The following CCDC192 variants were observed in gnomAD, a reference collection of about 807,000 sequenced individuals.
The protein encoded by CCDC192 is coiled-coil domain-containing protein 192.
chr5:127,702,966 G>C (rs891910232), upstream of CCDC192, among the ~76,000 whole-genome samples: 1 of 152,206 alleles, frequency 6.6e-6, no homozygotes, highest in African/African-American at 2.4e-5. Flanking sequence ...AATGTGGCCG[G>C]GTGGGGTCTT....
intron 3 of CCDC192, among the ~76,000 whole-genome samples, chr5:127,779,713 C>T (rs1277373238): frequency 6.6e-6 from 1 of 152,032 alleles, no homozygotes; most frequent in African/African-American, 2.4e-5. Flanking sequence ...TCTCAATCTC[C>T]TTTGTTCTTT....
intron 5 of CCDC192, among the ~76,000 whole-genome samples, chr5:127,830,010 A>G (rs937521122): frequency 6.6e-6 from 1 of 152,208 alleles, no homozygotes; most frequent in African/African-American, 2.4e-5. Context: ...CATATTTAGT[A>G]CCTACTTTAT....
chr5:127,772,766 C>T, intron 3 of CCDC192, among the ~76,000 whole-genome samples: 1 of 152,176 alleles, frequency 6.6e-6, no homozygotes, highest in East Asian at 1.9e-4. Context: ...ATTCATGTCT[C>T]AGGGCTGGAC....
rs569439392 is a variant in CCDC192 at position 127,893,087 on chromosome 5, C to T, written c.535+17426C>T. On this transcript the variant is annotated intron_variant, in intron 6 of 6. Coordinates refer to ENST00000514853, the MANE Select transcript of CCDC192 (RefSeq NM_001317938.2). ...GCAGAAAGCCCTAAAATATCAGTAT[C>T]GGGTGTTAGAAGTCAAGCAGACCTT... Among the ~76,000 whole-genome samples the T allele has an allele frequency of 4.6e-5, 7 of 152,232 alleles. No homozygotes were observed. In the East Asian group the frequency reaches 7.7e-4, roughly 17 times the overall value.
intron 5 of CCDC192, among the ~76,000 whole-genome samples, chr5:127,798,540 A>G (rs1252522159): frequency 6.6e-6 from 1 of 152,068 alleles, no homozygotes. Flanking sequence ...CTTAAACTTT[A>G]CTGTATGTAA....
chr5:127,887,328 C>CAA (rs10658827), intron 6 of CCDC192, among the ~76,000 whole-genome samples: 2,877 of 87,528 alleles, frequency 0.033, 186 homozygotes, highest in Middle Eastern at 0.12. Flanking sequence ...GACTCTGTCT[C>CAA]AAAAAAAAAA....
intron 3 of CCDC192, among the ~76,000 whole-genome samples, chr5:127,796,445 A>G (rs1757171649): frequency 6.6e-6 from 1 of 152,204 alleles, no homozygotes; most frequent in Admixed American, 6.5e-5. Flanking sequence ...TGTCAGAATG[A>G]AAGGAGAAGC....
intron 6 of CCDC192, among the ~76,000 whole-genome samples, chr5:127,921,010 C>A (rs1430806580): frequency 6.6e-6 from 1 of 151,480 alleles, no homozygotes; most frequent in Non-Finnish European, 1.5e-5. Context: ...ACACTCCAGC[C>A]TGGGCATCAG....
At chr5:127,887,143 CAG>C (rs1278111495) in intron 6 of CCDC192, among the ~76,000 whole-genome samples, 1 of 151,924 alleles carries the variant, frequency 6.6e-6, no homozygotes, top group African/African-American at 2.4e-5. Flanking sequence ...GCCTGGCCAA[CAG>C]GGGGAAACCC....
intron 5 of CCDC192, among the ~76,000 whole-genome samples, chr5:127,820,433 G>C (rs1749233977): frequency 6.6e-6 from 1 of 152,034 alleles, no homozygotes; most frequent in Non-Finnish European, 1.5e-5. Flanking sequence ...AATACAAAAT[G>C]AACTGGGCAT....
intron 6 of CCDC192, among the ~76,000 whole-genome samples, chr5:127,877,276 G>A (rs1199179685): frequency 6.6e-6 from 1 of 152,058 alleles, no homozygotes; most frequent in Non-Finnish European, 1.5e-5. Context: ...TGAGGGACTA[G>A]AACTCTAATG....
chr5:127,884,999 G>T lies in CCDC192; in HGVS notation c.535+9338G>T, dbSNP rs62375862. ...ACACCAGCTGTGGGAATTCAATGAT[G>T]TCAAGGTCCCCTCCCTCCTTTGTTT... On this transcript the variant is annotated intron_variant, in intron 6 of 6. Transcript: ENST00000514853. Among the ~76,000 whole-genome samples, 446 of 152,224 alleles carry T rather than the reference G, an allele frequency of 2.9e-3. 1 individual carries two copies. The highest frequency in any genetic ancestry group is 5.2e-3 in the Non-Finnish European group (351 of 68,024).
chr5:127,768,567 T>G (rs1268161425), intron 3 of CCDC192, among the ~76,000 whole-genome samples: 1 of 152,208 alleles, frequency 6.6e-6, no homozygotes, highest in Non-Finnish European at 1.5e-5. Flanking sequence ...AAATTTTTGT[T>G]GTTTAAGCCA....
At chr5:127,761,209 A>C (rs1391630663) in intron 3 of CCDC192, among the ~76,000 whole-genome samples, 1 of 152,198 alleles carries the variant, frequency 6.6e-6, no homozygotes. Context: ...TTTGTTGGTC[A>C]GCACTCATTT....
At chr5:127,749,786 T>G (rs1754021626) in intron 2 of CCDC192, among the ~76,000 whole-genome samples, 1 of 152,220 alleles carries the variant, frequency 6.6e-6, no homozygotes, top group Non-Finnish European at 1.5e-5. Flanking sequence ...TGCCACAATT[T>G]GAGATCCTGT....
At chr5:127,800,393 A>C (rs866206158) in intron 5 of CCDC192, among the ~76,000 whole-genome samples, 3,000 of 139,424 alleles carry the variant, frequency 0.022, 68 homozygotes, top group Non-Finnish European at 0.032. Context: ...AAAAAAAAAA[A>C]AAAAAAAACA....
At chr5:127,854,439 T>C (rs1441447103) in intron 5 of CCDC192, among the ~76,000 whole-genome samples, 2 of 152,212 alleles carry the variant, frequency 1.3e-5, no homozygotes, top group African/African-American at 4.8e-5. Context: ...CAATATATTG[T>C]TATAATTTCT....
At chr5:127,733,175 G>A (rs1752741995) in intron 2 of CCDC192, among the ~76,000 whole-genome samples, 1 of 152,076 alleles carries the variant, frequency 6.6e-6, no homozygotes, top group East Asian at 1.9e-4. Context: ...CTAACAAGGA[G>A]TAACCAGGCT....
chr5:127,866,669 A>G (rs1047201010), intron 5 of CCDC192, among the ~76,000 whole-genome samples: 3 of 152,002 alleles, frequency 2.0e-5, no homozygotes, highest in Non-Finnish European at 4.4e-5. Flanking sequence ...AACTAATACC[A>G]TGCAACTCAG....
Sources: gnomAD v4.1 joint callset for allele counts (sites outside exome capture counted in the v4.1 genomes callset) on GRCh38, gnomAD v4.1.1 for gene constraint, MANE v1.5 for transcripts, NCBI Gene and HGNC (gene_info 2026-07-23, HGNC 2026-07-21) for gene names.